FOLH1: variants seen among roughly 807,000 people sequenced by gnomAD.
FOLH1 encodes folate hydrolase 1.
A neutral mutation model predicts 93.9 loss-of-function variants in FOLH1; 54 were observed. That is an observed-to-expected ratio of 0.57 (90% CI 0.46 to 0.72). The LOEUF is 0.72. FOLH1 is among the 30% of genes least tolerant of loss of function. FOLH1 has a pLI of 0.00. For missense variants in FOLH1, 571 were observed against 892.5 expected (o/e 0.64, Z 4.59); for synonymous variants, 249 against 303.6 (o/e 0.82, Z 1.87).
In FOLH1 at chr11:49,174,880, C is replaced by G; in HGVS notation, c.1105+12G>C. 2 of 1,594,626 alleles carry G rather than the reference C, an allele frequency of 1.3e-6. No individual in the cohort carries two copies. Among genetic ancestry groups the G allele is most frequent in the Non-Finnish European group, 1.7e-6 (2 of 1,166,634 alleles). On this transcript the variant is annotated intron_variant, in intron 9 of 18. Coordinates refer to ENST00000256999, the MANE Select transcript of FOLH1 (RefSeq NM_004476.3). ...ACTTGATCAATATTTGCTAAGCAAA[C>G]GATTCCTTTACCTGGTTCCACTGCT... is the stretch of plus-strand genomic sequence containing the variant.
chr11:49,177,064 C>T (rs1462215527), intron 7 of FOLH1, among the ~76,000 whole-genome samples: 1 of 152,178 alleles, frequency 6.6e-6, no homozygotes, highest in Non-Finnish European at 1.5e-5. Context: ...TCCCTGTCTA[C>T]CTGTTTGAGG....
At chr11:49,193,995 T>TA (rs1279989609) in intron 3 of FOLH1, among the ~76,000 whole-genome samples, 5 of 151,796 alleles carry the variant, frequency 3.3e-5, no homozygotes, top group Non-Finnish European at 5.9e-5. Context: ...GCGTCTCTAC[T>TA]AAAAATACAA....
chr11:49,185,648 A>T (rs777311010), intron 6 of FOLH1, 21 bp downstream of exon 6: 40 of 1,613,374 alleles, frequency 2.5e-5, no homozygotes, highest in Non-Finnish European at 3.4e-5. Flanking sequence ...TTCCTATGAT[A>T]TTCAAGGATT....
Position 49,153,847 on chromosome 11 carries a change from T to A in FOLH1, c.1969A>T (p.Asn657Tyr). ...TATGCACATATATGTAGAACATACT[T>A]GCTTTTGTCAAAGTCCTGGAGTCTC... ...SERLQDFDKS[N>Y]PIVLRMMNDQ... The change falls in exon 17 of 19, where the codon AAC becomes TAC. Residue 657 changes from asparagine (N) to tyrosine (Y), a missense_variant and splice_region_variant. Physicochemically the swap from Asn to Tyr is moderately radical, Grantham distance 143. Coordinates refer to ENST00000256999, the MANE Select transcript of FOLH1 (RefSeq NM_004476.3). 1 of 1,600,466 alleles carries A rather than the reference T, an allele frequency of 6.2e-7. No individual in the cohort carries two copies. Among genetic ancestry groups the A allele is most frequent in the Non-Finnish European group, 8.5e-7 (1 of 1,172,658 alleles).
intron 2 of FOLH1, among the ~76,000 whole-genome samples, chr11:49,203,850 G>A (rs1188831280): frequency 1.3e-5 from 2 of 152,192 alleles, no homozygotes; most frequent in Non-Finnish European, 2.9e-5. Context: ...AGAATGTCAG[G>A]TGATGGTTCA....
Position 49,154,217 on chromosome 11 carries a change from G to A in FOLH1, c.1888+11C>T, listed in dbSNP as rs1180371727. 1.9e-6 allele frequency: 3 copies of A among 1,611,902 alleles called. No individual in the cohort carries two copies. Among genetic ancestry groups the A allele is most frequent in the African/African-American group, 1.3e-5 (1 of 74,946 alleles). ...ACAGATGAGGAATTTGAAAAAGGAA[G>A]GGTAACATACCAAATGATACACTGT... is the stretch of plus-strand genomic sequence containing the variant. On this transcript the variant is annotated intron_variant, in intron 16 of 18. Transcript: ENST00000256999.
chr11:49,157,726 T>C (rs1401931520), intron 14 of FOLH1, among the ~76,000 whole-genome samples: 1 of 152,098 alleles, frequency 6.6e-6, no homozygotes, highest in African/African-American at 2.4e-5. Context: ...ATGTTCCATA[T>C]GTATATATTA....
intron 4 of FOLH1, among the ~76,000 whole-genome samples, chr11:49,190,879 A>G (rs1861950645): frequency 6.6e-6 from 1 of 152,204 alleles, no homozygotes; most frequent in Non-Finnish European, 1.5e-5. Flanking sequence ...TGAAGTGCAT[A>G]CATTTAATTT....
At chr11:49,194,702 G>A (rs527715417) in intron 3 of FOLH1, among the ~76,000 whole-genome samples, 1 of 151,850 alleles carries the variant, frequency 6.6e-6, no homozygotes, top group Non-Finnish European at 1.5e-5. Flanking sequence ...AATAAAATCA[G>A]CTGTGTACCA....
At chr11:49,195,065 C>G (rs1590665929) in intron 3 of FOLH1, among the ~76,000 whole-genome samples, 2 of 152,172 alleles carry the variant, frequency 1.3e-5, no homozygotes, top group Non-Finnish European at 1.5e-5. Flanking sequence ...CAAACTCAAA[C>G]TAATGTACAA....
intron 11 of FOLH1, 129 bp from the exon 12 acceptor site, chr11:49,169,387 T>A (rs1313375138): frequency 4.0e-6 from 3 of 745,850 alleles, no homozygotes; most frequent in Non-Finnish European, 6.3e-6. Flanking sequence ...AAATTTGACA[T>A]AAGAAATTCT....
chr11:49,161,661 C>T (rs1270966582), intron 13 of FOLH1, among the ~76,000 whole-genome samples: 2 of 152,126 alleles, frequency 1.3e-5, no homozygotes, highest in Admixed American at 6.5e-5. Flanking sequence ...GGATTTGATC[C>T]TGTCATCATG....
intron 4 of FOLH1, among the ~76,000 whole-genome samples, chr11:49,188,667 C>T (rs374528379): frequency 0.011 from 1,678 of 152,092 alleles, 29 homozygotes; most frequent in African/African-American, 0.037. Flanking sequence ...GACAGTGAAG[C>T]GTTATCTTAA....
chr11:49,207,828 G>T (rs1357438447), intron 1 of FOLH1: 91 of 453,016 alleles, frequency 2.0e-4, no homozygotes, highest in Non-Finnish European at 3.4e-4. Flanking sequence ...AGGAAAAACA[G>T]CAAAAGACCC....
intron 17 of FOLH1, 103 bp from the exon 18 acceptor site, chr11:49,148,834 G>A: frequency 9.9e-7 from 1 of 1,012,584 alleles, no homozygotes; most frequent in Non-Finnish European, 1.4e-6. Context: ...TCCGGGGATT[G>A]GTTTCAGGAC....
At chr11:49,185,959 T>G (rs2135200465) in intron 5 of FOLH1, 104 bp from the exon 6 acceptor site, 1 of 1,347,348 alleles carries the variant, frequency 7.4e-7, no homozygotes, top group South Asian at 1.8e-5. Flanking sequence ...GAACTTTATC[T>G]TCAACCTTTT....
At chr11:49,148,604 A>T (rs1394318506) in intron 18 of FOLH1, 35 bp downstream of exon 18, 1 of 1,412,438 alleles carries the variant, frequency 7.1e-7, no homozygotes, top group Non-Finnish European at 9.7e-7. Context: ...AGAAAAAGTG[A>T]TATTACAGAA....
At chr11:49,170,560 A>G (rs968774795) in intron 11 of FOLH1, among the ~76,000 whole-genome samples, 20 of 152,170 alleles carry the variant, frequency 1.3e-4, no homozygotes, top group Non-Finnish European at 2.9e-4. Context: ...CGCTTCAGTG[A>G]GCAGAAATCA....
At chr11:49,207,449 G>A (rs202674) in intron 1 of FOLH1, among the ~76,000 whole-genome samples, 45,917 of 150,102 alleles carry the variant, frequency 0.31, 6,941 homozygotes, top group African/African-American at 0.5. Flanking sequence ...TCCATGCCCT[G>A]TTCTTCTAAA....
Sources: gnomAD v4.1 joint callset for allele counts (sites outside exome capture counted in the v4.1 genomes callset) on GRCh38, gnomAD v4.1.1 for gene constraint, MANE v1.5 for transcripts, NCBI Gene and HGNC (gene_info 2026-07-23, HGNC 2026-07-21) for gene names.